Variants in STK38 observed in about 807,000 individuals in gnomAD.
The protein encoded by STK38 is serine/threonine kinase 38.
STK38 carries 26 observed loss-of-function variants against 59.0 expected under a neutral mutation model. The ratio of observed to expected loss-of-function variants is 0.44; its 90% confidence interval spans 0.32 to 0.61. The LOEUF (loss-of-function observed/expected upper bound fraction) is 0.61, where lower values mean the gene tolerates loss of function less well. Ranked by LOEUF, STK38 falls within the 20% of genes least tolerant of loss-of-function variation. The pLI, the probability that STK38 is intolerant of heterozygous loss-of-function variation, is 0.04. For missense variants in STK38, 433 were observed against 566.0 expected (o/e 0.76, Z 2.38); for synonymous variants, 175 against 176.6 (o/e 0.99, Z 0.07).
chr6:36,498,229 G>C, intron 11 of STK38, 134 bp downstream of exon 11: 1 of 1,273,960 alleles, frequency 7.8e-7, no homozygotes, highest in Non-Finnish European at 1.1e-6. Flanking sequence ...ACCATGCACA[G>C]CCTTTTTATT....
chr6:36,518,248 G>C (rs1777300742), intron 5 of STK38, among the ~76,000 whole-genome samples: 1 of 152,158 alleles, frequency 6.6e-6, no homozygotes. Flanking sequence ...ACTAGTATCT[G>C]CAACAACAGT....
intron 2 of STK38, among the ~76,000 whole-genome samples, chr6:36,539,024 ACT>A (rs1429040294): frequency 6.6e-6 from 1 of 152,016 alleles, no homozygotes; most frequent in Non-Finnish European, 1.5e-5. Context: ...GTATATATTC[ACT>A]GTTTATTACA....
chr6:36,537,667 G>A (rs991058425), intron 2 of STK38, among the ~76,000 whole-genome samples: 1 of 152,086 alleles, frequency 6.6e-6, no homozygotes, highest in Non-Finnish European at 1.5e-5. Flanking sequence ...GGAGGCTAAG[G>A]TGGGAGGATC....
At chr6:36,525,499 C>T in intron 3 of STK38, 92 bp downstream of exon 3, 1 of 1,214,888 alleles carries the variant, frequency 8.2e-7, no homozygotes, top group South Asian at 1.3e-5. Context: ...TGAGCCAAAA[C>T]CCTTCTCATG....
At chr6:36,498,294 G>GT in intron 11 of STK38, 69 bp downstream of exon 11, 2 of 1,564,102 alleles carry the variant, frequency 1.3e-6, no homozygotes, top group Non-Finnish European at 1.7e-6. Flanking sequence ...GATAACAAAA[G>GT]TTTTTAAAAA....
intron 9 of STK38, among the ~76,000 whole-genome samples, chr6:36,500,210 C>T (rs779150449): frequency 3.3e-5 from 5 of 152,094 alleles, no homozygotes; most frequent in Non-Finnish European, 7.4e-5. Context: ...CTATGAGTCA[C>T]TAGGGCGAAG....
At position 36,498,452 on chromosome 6, in the gene STK38, C is replaced by T. The variant is rs745862976; in HGVS notation, c.987G>A (p.Glu329=). The change falls in exon 11 of 14, where the codon GAG becomes GAA. Residue 329 remains glutamate, a synonymous_variant. Coordinates refer to ENST00000229812, the MANE Select transcript of STK38 (RefSeq NM_007271.4). ...TCCAGTTCATCACCTTCTTATATGT[C>T]TCTTGAGGGGTCTCAGAACAGAAAG... is the stretch of plus-strand genomic sequence containing the variant. ...YPPFCSETPQ[E]TYKKVMNWKE... is the part of the protein sequence containing the mutation. 3.1e-6 allele frequency: 5 copies of T among 1,613,222 alleles called. No individual in the cohort carries two copies. Among genetic ancestry groups the T allele is most frequent in the Non-Finnish European group, 4.2e-6 (5 of 1,179,838 alleles).
In STK38 at chr6:36,507,458, C is replaced by A. The variant is rs775014729; in HGVS notation, c.772+42G>T. On this transcript the variant is annotated intron_variant, in intron 8 of 13. Transcript: ENST00000229812. ...TTACAAGGGAAACAGCTCTTCTAGG[C>A]CCAGTTAGAACGAAAAGGCTAACGT... The A allele has an allele frequency of 9.1e-6, 14 of 1,544,524 alleles. No individual in the cohort carries two copies. In the Middle Eastern group the frequency reaches 5.1e-4, roughly 56 times the overall value.
At chr6:36,531,793 A>G (rs769879234) in intron 2 of STK38, among the ~76,000 whole-genome samples, 4 of 152,218 alleles carry the variant, frequency 2.6e-5, no homozygotes, top group Non-Finnish European at 5.9e-5. Context: ...TTTTATGTTT[A>G]CACAGGAAAC....
In STK38 at chr6:36,503,310, C is replaced by CT. The variant is rs535492851; in HGVS notation, c.834+3272dup. Among the ~76,000 whole-genome samples, 32 of 152,128 alleles carry CT rather than the reference C, an allele frequency of 2.1e-4. No individual in the cohort carries two copies. In the East Asian group the frequency reaches 6.2e-3, roughly 29 times the overall value. The stretch of plus-strand genomic sequence containing the variant: ...CTTGTTTAAGAAATCCCTCTTTACT[C>CT]TGAGGTCATAAAGATATTGCCCTGT... On this transcript the variant is annotated intron_variant, in intron 9 of 13. Transcript: ENST00000229812.
intron 2 of STK38, among the ~76,000 whole-genome samples, chr6:36,538,666 G>T (rs1777855344): frequency 6.6e-6 from 1 of 152,076 alleles, no homozygotes; most frequent in Admixed American, 6.6e-5. Context: ...CCAGCACTTT[G>T]GGAGGCCAAG....
chr6:36,543,367 T>C (rs746944362), intron 1 of STK38, among the ~76,000 whole-genome samples: 22 of 151,928 alleles, frequency 1.4e-4, no homozygotes, highest in Non-Finnish European at 2.1e-4. Flanking sequence ...GCCCGGCCAA[T>C]AGTGCTCAAT....
chr6:36,532,236 G>C (rs376654111), intron 2 of STK38, among the ~76,000 whole-genome samples: 1 of 148,498 alleles, frequency 6.7e-6, no homozygotes, highest in African/African-American at 2.5e-5. Context: ...CCAGGAGTTT[G>C]AGGCGGCAGT....
At chr6:36,518,510 T>C (rs1777307498) in intron 5 of STK38, among the ~76,000 whole-genome samples, 1 of 152,236 alleles carries the variant, frequency 6.6e-6, no homozygotes. Context: ...TTACTTTAAA[T>C]GCAGAACAGT....
At chr6:36,525,055 G>C (rs959171531) in intron 3 of STK38, among the ~76,000 whole-genome samples, 3 of 152,086 alleles carry the variant, frequency 2.0e-5, no homozygotes, top group Admixed American at 1.3e-4. Context: ...TCAGGAACAT[G>C]ACACACCGGG....
intron 7 of STK38, among the ~76,000 whole-genome samples, chr6:36,508,212 A>G (rs1217931891): frequency 1.3e-5 from 2 of 152,278 alleles, no homozygotes; most frequent in African/African-American, 4.8e-5. Context: ...CTGAGATTAT[A>G]GGCATGCGCC....
At chr6:36,499,832 A>C in intron 10 of STK38, 41 bp downstream of exon 10, 2 of 1,483,582 alleles carry the variant, frequency 1.3e-6, no homozygotes, top group Non-Finnish European at 1.9e-6. Flanking sequence ...AAAGTCTGTC[A>C]TGGATGCACA....
intron 5 of STK38, among the ~76,000 whole-genome samples, chr6:36,520,082 A>G (rs1032406575): frequency 3.3e-5 from 5 of 152,214 alleles, no homozygotes; most frequent in African/African-American, 1.2e-4. Context: ...TATCTAGCAC[A>G]AAACCAATGC....
chr6:36,537,909 A>G (rs1777835571), intron 2 of STK38, among the ~76,000 whole-genome samples: 1 of 151,918 alleles, frequency 6.6e-6, no homozygotes, highest in African/African-American at 2.4e-5. Flanking sequence ...GACAAAAAAA[A>G]AAATATGCTA....
Sources: gnomAD v4.1 joint callset for allele counts (sites outside exome capture counted in the v4.1 genomes callset) on GRCh38, gnomAD v4.1.1 for gene constraint, MANE v1.5 for transcripts, NCBI Gene and HGNC (gene_info 2026-07-23, HGNC 2026-07-21) for gene names.